VOPP1: variants seen among roughly 807,000 people sequenced by gnomAD.
VOPP1 encodes the protein VOPP1 WW domain binding protein, also known as WW domain binding protein VOPP1.
Under a neutral mutation model 23.5 loss-of-function variants are expected in VOPP1, and 8 were observed. That is an observed-to-expected ratio of 0.34 (90% CI 0.20 to 0.61). The LOEUF is 0.61. Ranked by LOEUF, VOPP1 falls within the 20% of genes least tolerant of loss-of-function variation. The pLI is 0.78. For synonymous variants in VOPP1, 83 were observed against 97.3 expected, an observed-to-expected ratio of 0.85 and a Z score of 0.86; for missense variants, 174 against 238.1, an observed-to-expected ratio of 0.73 and a Z score of 1.77.
At chr7:55,487,345 G>A (rs924919585) in intron 4 of VOPP1, among the ~76,000 whole-genome samples, 1 of 152,164 alleles carries the variant, frequency 6.6e-6, no homozygotes, top group Non-Finnish European at 1.5e-5. Context: ...TCACATTAAA[G>A]GAAATCATTT....
At chr7:55,467,326 G>C (rs1327273660), downstream of VOPP1, among the ~76,000 whole-genome samples, 1 of 152,208 alleles carries the variant, frequency 6.6e-6, no homozygotes, top group African/African-American at 2.4e-5. Flanking sequence ...GGGCAGGAGG[G>C]AGTCAGGCAG....
intron 1 of VOPP1, among the ~76,000 whole-genome samples, chr7:55,539,899 GCACACACACA>G (rs60831624): frequency 6.6e-4 from 92 of 139,328 alleles, no homozygotes; most frequent in Middle Eastern, 3.6e-3. Context: ...CATAAGCGCT[GCACACACACA>G]CACACACACA....
intron 1 of VOPP1, among the ~76,000 whole-genome samples, chr7:55,532,544 AGAGT>A (rs1222744478): frequency 6.6e-6 from 1 of 152,232 alleles, no homozygotes; most frequent in East Asian, 1.9e-4. Flanking sequence ...GTCTCTATGG[AGAGT>A]GAGAATATGG....
At chr7:55,527,267 GGAATGTCTTATCTCC>G (rs1388278797) in intron 1 of VOPP1, among the ~76,000 whole-genome samples, 3 of 152,148 alleles carry the variant, frequency 2.0e-5, no homozygotes, top group African/African-American at 7.2e-5. Context: ...TTGTTTCTCA[GGAATGTCTTATCTCC>G]AAGAAACCTT....
At chr7:55,564,089 AC>A (rs1485754322) in intron 1 of VOPP1, among the ~76,000 whole-genome samples, 1 of 152,152 alleles carries the variant, frequency 6.6e-6, no homozygotes, top group East Asian at 1.9e-4. Flanking sequence ...GTTGTTTTAC[AC>A]AGCTGCCCTT....
chr7:55,517,300 G>C (rs1185533557), intron 2 of VOPP1, among the ~76,000 whole-genome samples: 2 of 151,688 alleles, frequency 1.3e-5, no homozygotes, highest in African/African-American at 2.4e-5. Flanking sequence ...GAAATGACTA[G>C]TCACTCTCAC....
intron 4 of VOPP1, among the ~76,000 whole-genome samples, chr7:55,482,482 ATTT>A (rs71031859): frequency 7.5e-5 from 10 of 132,820 alleles, no homozygotes; most frequent in African/African-American, 2.1e-4. Flanking sequence ...CACCTGGCTA[ATTT>A]TTTTTTTTTT....
chr7:55,463,329 TTC>T (rs1480661034), intron 4 of VOPP1, among the ~76,000 whole-genome samples: 4 of 152,244 alleles, frequency 2.6e-5, no homozygotes, highest in Non-Finnish European at 4.4e-5. Flanking sequence ...TTCAGAGGCA[TTC>T]TGTTTCCTTG....
chr7:55,505,185 A>T (rs1482448900), intron 2 of VOPP1, among the ~76,000 whole-genome samples: 1 of 152,192 alleles, frequency 6.6e-6, no homozygotes, highest in Non-Finnish European at 1.5e-5. Flanking sequence ...CCACCCAGGC[A>T]ACTTTGCTCC....
chr7:55,505,190 T>G (rs1794627956), intron 2 of VOPP1, among the ~76,000 whole-genome samples: 1 of 152,174 alleles, frequency 6.6e-6, no homozygotes, highest in South Asian at 2.1e-4. Context: ...CAGGCAACTT[T>G]GCTCCTCCTC....
intron 4 of VOPP1, among the ~76,000 whole-genome samples, chr7:55,487,592 G>A (rs1476370338): frequency 1.3e-5 from 2 of 152,094 alleles, no homozygotes; most frequent in African/African-American, 4.8e-5. Context: ...TGACTGGCTG[G>A]GACTACAGGT....
intron 3 of VOPP1, 35 bp downstream of exon 3, chr7:55,497,578 C>A (rs1336981953): frequency 4.2e-5 from 55 of 1,298,450 alleles, no homozygotes; most frequent in Non-Finnish European, 4.8e-5. Flanking sequence ...GGGCAGAGCT[C>A]TCGGGGTAGG....
chr7:55,474,034 G>A (rs973954070), intron 4 of VOPP1, among the ~76,000 whole-genome samples: 3 of 152,220 alleles, frequency 2.0e-5, no homozygotes, highest in Admixed American at 6.5e-5. Flanking sequence ...GGGAATCTGC[G>A]CATGTGCGGA....
intron 1 of VOPP1, among the ~76,000 whole-genome samples, chr7:55,566,602 T>A (rs945782394): frequency 6.6e-6 from 1 of 152,112 alleles, no homozygotes; most frequent in African/African-American, 2.4e-5. Context: ...AAATGAGTAC[T>A]CAGGATGAAA....
intron 4 of VOPP1, among the ~76,000 whole-genome samples, chr7:55,478,936 A>G (rs1792479230): frequency 6.6e-6 from 1 of 151,974 alleles, no homozygotes; most frequent in African/African-American, 2.4e-5. Context: ...CAGGAAGGAG[A>G]GTTGGAGGGG....
intron 4 of VOPP1, among the ~76,000 whole-genome samples, chr7:55,482,172 CAAAG>C (rs1562907171): frequency 6.6e-6 from 1 of 151,740 alleles, no homozygotes; most frequent in Non-Finnish European, 1.5e-5. Flanking sequence ...GAATATTTCT[CAAAG>C]AACACGCAAA....
chr7:55,472,999 C>T lies in VOPP1; in HGVS notation c.375G>A (p.Pro125=), dbSNP rs557022547. 62 of 1,596,504 alleles carry T rather than the reference C, an allele frequency of 3.9e-5. No individual in the cohort carries two copies. The East Asian group carries it at 7.6e-4, about 20-fold the overall frequency. ...TGGAATTCCCGACAGGGTTCATCCC[C>T]GGTCCTCCTGGGTCGGTGTAATAGG... The part of the protein sequence containing the change: ...GPPYYTDPGG[P]GMNPVGNSMA... Residue 125 remains proline (P), a synonymous_variant, in exon 5 of 5, where the codon CCG becomes CCA. Coordinates refer to ENST00000285279, the MANE Select transcript of VOPP1 (RefSeq NM_030796.5).
At chr7:55,513,586 A>G (rs1184930067) in intron 2 of VOPP1, among the ~76,000 whole-genome samples, 1 of 152,178 alleles carries the variant, frequency 6.6e-6, no homozygotes, top group African/African-American at 2.4e-5. Context: ...CATCCATGTG[A>G]CAGCCAGAGA....
At chr7:55,444,224 A>G (rs1397327396) in intron 4 of VOPP1, among the ~76,000 whole-genome samples, 1 of 152,230 alleles carries the variant, frequency 6.6e-6, no homozygotes, top group Non-Finnish European at 1.5e-5. Flanking sequence ...GTTAGAGATC[A>G]TCGGACAAGA....
Sources: allele counts gnomAD v4.1 joint callset (sites outside exome capture counted in the v4.1 genomes callset), GRCh38; gene constraint gnomAD v4.1.1; transcripts MANE v1.5; gene names NCBI Gene and HGNC (gene_info 2026-07-23, HGNC 2026-07-21).